Variants in APBA2 observed in about 807,000 individuals in gnomAD.
The protein encoded by APBA2 is amyloid beta precursor protein binding family A member 2.
APBA2 carries 30 observed loss-of-function variants against 75.0 expected under a neutral mutation model. That is an observed-to-expected ratio of 0.40 (90% CI 0.30 to 0.54). The LOEUF is 0.54. Among genes scored for constraint, APBA2 ranks in the 20% least tolerant of loss-of-function variants. APBA2 has a pLI of 0.49. For missense variants in APBA2, 801 were observed against 1,016.1 expected, an observed-to-expected ratio of 0.79 and a Z score of 2.88; for synonymous variants, 444 against 409.6, an observed-to-expected ratio of 1.08 and a Z score of -1.01.
intron 2 of APBA2, among the ~76,000 whole-genome samples, chr15:28,936,128 G>A (rs752650629): frequency 3.3e-5 from 5 of 152,170 alleles, no homozygotes; most frequent in African/African-American, 4.8e-5. Context: ...CACTGATTGC[G>A]GCATTAGAAG....
At chr15:29,007,707 A>G (rs1034331569) in intron 3 of APBA2, among the ~76,000 whole-genome samples, 6 of 152,160 alleles carry the variant, frequency 3.9e-5, no homozygotes, top group Admixed American at 6.6e-5. Context: ...GGCTATTACA[A>G]AACAAAACAA....
chr15:28,929,799 A>C (rs1244796504), intron 2 of APBA2, among the ~76,000 whole-genome samples: 1 of 152,200 alleles, frequency 6.6e-6, no homozygotes, highest in Non-Finnish European at 1.5e-5. Flanking sequence ...ATCAGTTCTT[A>C]TGAACAGATT....
intron 6 of APBA2, among the ~76,000 whole-genome samples, chr15:29,085,261 C>G (rs2043236741): frequency 1.3e-5 from 2 of 152,248 alleles, no homozygotes; most frequent in Admixed American, 1.3e-4. Context: ...CGCAGTGGCT[C>G]ATGCCTGTAA....
At chr15:28,979,656 G>C (rs566249277) in intron 2 of APBA2, among the ~76,000 whole-genome samples, 1 of 152,132 alleles carries the variant, frequency 6.6e-6, no homozygotes, top group Admixed American at 6.5e-5. Context: ...GAGTGCCCCC[G>C]GCCCCGTGTG....
intron 2 of APBA2, among the ~76,000 whole-genome samples, chr15:28,962,937 A>G (rs1198298318): frequency 6.6e-6 from 1 of 152,136 alleles, no homozygotes; most frequent in African/African-American, 2.4e-5. Flanking sequence ...GAAGACAGCT[A>G]CACTCACCAT....
chr15:28,990,182 G>T (rs1160521158), intron 2 of APBA2, among the ~76,000 whole-genome samples: 1 of 152,196 alleles, frequency 6.6e-6, no homozygotes, highest in Admixed American at 6.5e-5. Flanking sequence ...GGCTGAGGCG[G>T]GTGGATCACC....
rs772890395 is a variant in APBA2, at chr15:29,054,665, T to C, written c.781T>C (p.Ser261Pro). ...TGGGCCTGAGCCAGGGCCTGAGGACTCTGTAGAGGCCTGCCCACCCATCAA... is the reference window on the plus strand; with the variant it reads ...TGGGCCTGAGCCAGGGCCTGAGGACCCTGTAGAGGCCTGCCCACCCATCAA... ...EHGPEPGPEDSVEACPPIKAS... is the reference protein window; with the variant it reads ...EHGPEPGPEDPVEACPPIKAS... Residue 261 changes from serine to proline, a missense_variant, in exon 4 of 15, where the codon TCT becomes CCT. Physicochemically the swap from Ser to Pro is moderately conservative, Grantham distance 74. This residue lies in a region of APBA2 where 434 missense variants were observed against 471.6 expected (regional missense o/e 0.92). Coordinates refer to ENST00000683413, the MANE Select transcript of APBA2 (RefSeq NM_001353788.2). This position sits in a 1 kb window ranked among gnomAD's most constrained non-coding sequence, Gnocchi z 6.1. 1.2e-6 allele frequency: 2 copies of C among 1,613,928 alleles called. No homozygotes were observed.
At chr15:29,042,601 G>A (rs1034639644) in intron 3 of APBA2, among the ~76,000 whole-genome samples, 1 of 152,120 alleles carries the variant, frequency 6.6e-6, no homozygotes, top group Non-Finnish European at 1.5e-5. Flanking sequence ...GAGGTACAGG[G>A]GATGAGAACT....
intron 3 of APBA2, among the ~76,000 whole-genome samples, chr15:28,998,200 C>CTT (rs397937522): frequency 3.4e-4 from 45 of 132,302 alleles, no homozygotes; most frequent in African/African-American, 8.8e-4. Context: ...TCTTCTTTTT[C>CTT]TTTTTTTTTT....
chr15:29,111,507 A>G (rs925149008), intron 13 of APBA2, among the ~76,000 whole-genome samples: 5 of 152,112 alleles, frequency 3.3e-5, no homozygotes, highest in Non-Finnish European at 7.4e-5. Context: ...GTTATGATCC[A>G]TCTCCCCAGT....
intron 6 of APBA2, among the ~76,000 whole-genome samples, chr15:29,079,981 C>A (rs1480090201): frequency 6.6e-6 from 1 of 152,168 alleles, no homozygotes; most frequent in African/African-American, 2.4e-5. Context: ...GGTTAGAAAA[C>A]TGATGCACAG....
At chr15:28,959,205 T>G (rs1271458242) in intron 2 of APBA2, among the ~76,000 whole-genome samples, 1 of 152,188 alleles carries the variant, frequency 6.6e-6, no homozygotes, top group Non-Finnish European at 1.5e-5. Context: ...GCCAGGACGG[T>G]CTTGATCTCT....
At chr15:29,095,359 G>A (rs959841864) in intron 8 of APBA2, among the ~76,000 whole-genome samples, 1 of 152,038 alleles carries the variant, frequency 6.6e-6, no homozygotes, top group Non-Finnish European at 1.5e-5. Flanking sequence ...AACTCGGGAG[G>A]CAAGAGGTCG....
chr15:28,893,860 C>T (rs1244085538), intron 1 of APBA2: 4 of 152,180 alleles, frequency 2.6e-5, no homozygotes, highest in African/African-American at 9.7e-5. Context: ...TAATGGTTTT[C>T]TTCTTGATCA....
Position 29,054,324 on chromosome 15 carries a change from C to T in APBA2, c.440C>T (p.Pro147Leu), listed in dbSNP as rs758943858. Residue 147 changes from proline to leucine, a missense_variant, in exon 4 of 15, where the codon CCG becomes CTG. Around this residue, in one of 2 missense-constraint regions of APBA2, gnomAD observed 434 missense variants for 471.6 expected, o/e 0.92. Transcript: ENST00000683413. This position sits in a 1 kb window ranked among gnomAD's most constrained non-coding sequence, Gnocchi z 6.1. ...AVEEWTDSAG[P>L]HPHGHEAEGS... is the part of the protein sequence containing the mutation. ...GAGGAGTGGACGGACTCGGCGGGCCCGCACCCCCACGGCCACGAGGCTGAA... is the reference window on the plus strand; with the variant it reads ...GAGGAGTGGACGGACTCGGCGGGCCTGCACCCCCACGGCCACGAGGCTGAA... 49 of 1,613,832 alleles carry T rather than the reference C, an allele frequency of 3.0e-5. No homozygotes were observed. The highest frequency in any genetic ancestry group is 1.6e-4 in the Middle Eastern group (1 of 6,084).
intron 3 of APBA2, among the ~76,000 whole-genome samples, chr15:29,045,558 T>G (rs1277109604): frequency 6.6e-6 from 1 of 152,166 alleles, no homozygotes; most frequent in East Asian, 1.9e-4. Flanking sequence ...AGATGATATC[T>G]ATTCAGCTGG....
chr15:29,041,771 A>G (rs1019061553), intron 3 of APBA2, among the ~76,000 whole-genome samples: 1 of 152,216 alleles, frequency 6.6e-6, no homozygotes, highest in African/African-American at 2.4e-5. Context: ...ATGGGATTCT[A>G]AAATTTATAT....
At chr15:28,894,468 G>C (rs1449840993) in intron 1 of APBA2, among the ~76,000 whole-genome samples, 1 of 152,166 alleles carries the variant, frequency 6.6e-6, no homozygotes, top group East Asian at 1.9e-4. Context: ...TGGTAGGTTG[G>C]GGTGGATCAT....
At chr15:29,048,215 A>G (rs893977008) in intron 3 of APBA2, among the ~76,000 whole-genome samples, 2 of 152,160 alleles carry the variant, frequency 1.3e-5, no homozygotes. Flanking sequence ...GAGGGTGATG[A>G]CACATGCCTG....
Sources: allele counts gnomAD v4.1 joint callset (sites outside exome capture counted in the v4.1 genomes callset), GRCh38; gene constraint gnomAD v4.1.1; regional missense constraint gnomAD v4.1.1; non-coding constraint Gnocchi (gnomAD v3.1); transcripts MANE v1.5; gene names NCBI Gene and HGNC (gene_info 2026-07-23, HGNC 2026-07-21).